The following ENOX1 variants were observed in gnomAD, a reference collection of about 807,000 sequenced individuals.
The protein encoded by ENOX1 is ecto-NOX disulfide-thiol exchanger 1.
ENOX1 carries 42 observed loss-of-function variants against 82.5 expected under a neutral mutation model. That is an observed-to-expected ratio of 0.51 (90% confidence interval 0.40 to 0.66). The LOEUF (loss-of-function observed/expected upper bound fraction) is 0.66. Ranked by LOEUF, ENOX1 falls within the 30% of genes least tolerant of loss-of-function variation. The probability of loss-of-function intolerance (pLI) is 0.00; values close to 1 mark genes in which losing one functional copy is unlikely to be tolerated. For missense variants in ENOX1, 608 were observed against 811.6 expected (o/e 0.75, Z 3.05); for synonymous variants, 271 against 282.2 (o/e 0.96, Z 0.40).
intron 11 of ENOX1, among the ~76,000 whole-genome samples, chr13:43,317,500 T>C (rs891732621): frequency 6.6e-6 from 1 of 152,108 alleles, no homozygotes; most frequent in African/African-American, 2.4e-5. Flanking sequence ...TGTCCTGCTA[T>C]TCAAAGAAAT....
intron 3 of ENOX1, among the ~76,000 whole-genome samples, chr13:43,472,518 G>T (rs190488939): frequency 6.6e-6 from 1 of 152,238 alleles, no homozygotes; most frequent in East Asian, 1.9e-4. Flanking sequence ...CACACGGCAC[G>T]GTGCATGTGG....
chr13:43,496,916 T>C (rs1014601707), intron 2 of ENOX1, among the ~76,000 whole-genome samples: 1 of 152,140 alleles, frequency 6.6e-6, no homozygotes, highest in Non-Finnish European at 1.5e-5. Flanking sequence ...TAATAAGTCC[T>C]TATAATTCTG....
chr13:43,454,267 T>G (rs1197429130), intron 3 of ENOX1, among the ~76,000 whole-genome samples: 1 of 152,148 alleles, frequency 6.6e-6, no homozygotes, highest in Non-Finnish European at 1.5e-5. Flanking sequence ...CTATTTTTTT[T>G]TTTTGCTTTT....
intron 2 of ENOX1, among the ~76,000 whole-genome samples, chr13:43,637,179 G>T (rs776719405): frequency 6.6e-6 from 1 of 152,130 alleles, no homozygotes; most frequent in Admixed American, 6.5e-5. Context: ...AAAGCCCAGC[G>T]TGTTCAGCCC....
intron 3 of ENOX1, among the ~76,000 whole-genome samples, chr13:43,470,561 T>C (rs975002303): frequency 2.0e-5 from 3 of 150,478 alleles, no homozygotes; most frequent in South Asian, 4.2e-4. Flanking sequence ...AAGGCTCAGA[T>C]TGGAAGGAAA....
intron 2 of ENOX1, among the ~76,000 whole-genome samples, chr13:43,564,252 T>C (rs2079818166): frequency 2.6e-5 from 4 of 152,054 alleles, no homozygotes; most frequent in Non-Finnish European, 5.9e-5. Flanking sequence ...ATTAATATTG[T>C]TAAAATATCC....
rs765728061 is a variant in ENOX1, at chr13:43,355,900, C to A, written c.823+19G>T. On this transcript the variant is annotated intron_variant, in intron 8 of 16. Transcript: ENST00000690772. ...GGGATCCCTGTGGAGGAAGAAAAGC[C>A]AGCGTGGGTGGCCCATACCTTTCAG... 1 of 1,597,450 alleles carries A rather than the reference C, an allele frequency of 6.3e-7. No homozygotes were observed. The highest frequency in any genetic ancestry group is 2.2e-5 in the East Asian group (1 of 44,646).
intron 16 of ENOX1, among the ~76,000 whole-genome samples, chr13:43,222,318 C>T (rs1051521042): frequency 3.9e-5 from 6 of 151,900 alleles, no homozygotes; most frequent in South Asian, 2.1e-4. Flanking sequence ...ACCCCCTCCC[C>T]GCCAGCCAAA....
intron 1 of ENOX1, among the ~76,000 whole-genome samples, chr13:43,771,333 T>C (rs1465214796): frequency 1.3e-5 from 2 of 152,090 alleles, no homozygotes; most frequent in East Asian, 1.9e-4. Flanking sequence ...GGTATCCACA[T>C]CTTTTTTTGT....
chr13:43,679,719 A>G (rs1393870022), intron 1 of ENOX1, among the ~76,000 whole-genome samples: 3 of 152,180 alleles, frequency 2.0e-5, no homozygotes, highest in Non-Finnish European at 4.4e-5. Flanking sequence ...AAAGCTCCAG[A>G]TGATAGAACT....
At chr13:43,287,313 C>T (rs991742883) in intron 12 of ENOX1, among the ~76,000 whole-genome samples, 23 of 152,176 alleles carry the variant, frequency 1.5e-4, no homozygotes, top group Non-Finnish European at 2.1e-4. Context: ...ACTCTGTGAG[C>T]CTGAGTCTTC....
intron 2 of ENOX1, among the ~76,000 whole-genome samples, chr13:43,588,159 A>G (rs2081079116): frequency 6.6e-6 from 1 of 152,236 alleles, no homozygotes; most frequent in African/African-American, 2.4e-5. Flanking sequence ...TAACATATAT[A>G]GTTAATTTCA....
intron 2 of ENOX1, among the ~76,000 whole-genome samples, chr13:43,512,491 A>C (rs2077405175): frequency 6.6e-6 from 1 of 152,180 alleles, no homozygotes; most frequent in Non-Finnish European, 1.5e-5. Context: ...ATGAGCATAT[A>C]ATTGACTGAA....
intron 15 of ENOX1, among the ~76,000 whole-genome samples, chr13:43,232,929 G>A (rs2042354418): frequency 6.6e-6 from 1 of 152,122 alleles, no homozygotes; most frequent in South Asian, 2.1e-4. Flanking sequence ...GCTCTCTGCA[G>A]AACTATTAGC....
chr13:43,731,688 A>G (rs1262721202), intron 1 of ENOX1, among the ~76,000 whole-genome samples: 1 of 152,246 alleles, frequency 6.6e-6, no homozygotes, highest in African/African-American at 2.4e-5. Context: ...ACTACATTTA[A>G]TTTAGTATCT....
At chr13:43,295,765 G>T (rs930008239) in intron 12 of ENOX1, among the ~76,000 whole-genome samples, 12 of 152,154 alleles carry the variant, frequency 7.9e-5, no homozygotes, top group African/African-American at 2.9e-4. Flanking sequence ...TCTTTGTGGT[G>T]GGATTCAAAT....
At chr13:43,701,290 G>A (rs1211793690) in intron 1 of ENOX1, among the ~76,000 whole-genome samples, 3 of 152,154 alleles carry the variant, frequency 2.0e-5, no homozygotes, top group African/African-American at 7.2e-5. Flanking sequence ...GACTGTATAT[G>A]TTGTGGTGAC....
At chr13:43,453,986 TA>T (rs2057100504) in intron 3 of ENOX1, among the ~76,000 whole-genome samples, 1 of 152,124 alleles carries the variant, frequency 6.6e-6, no homozygotes, top group Non-Finnish European at 1.5e-5. Flanking sequence ...AGACATGAGA[TA>T]GATAAATGAG....
At chr13:43,235,889 G>A (rs1316974829) in intron 15 of ENOX1, among the ~76,000 whole-genome samples, 3 of 152,178 alleles carry the variant, frequency 2.0e-5, no homozygotes, top group African/African-American at 7.2e-5. Context: ...TGGGGTCAGT[G>A]CCAAGGTGCA....
Sources: gnomAD v4.1 joint callset for allele counts (sites outside exome capture counted in the v4.1 genomes callset) on GRCh38, gnomAD v4.1.1 for gene constraint, MANE v1.5 for transcripts, NCBI Gene and HGNC (gene_info 2026-07-23, HGNC 2026-07-21) for gene names.